ASTN2: variants seen among roughly 807,000 people sequenced by gnomAD.
ASTN2 encodes astrotactin 2.
Under a neutral mutation model 139.8 loss-of-function variants are expected in ASTN2, and 54 were observed. The observed-to-expected ratio is 0.39, with a 90% CI of 0.31 to 0.48. The LOEUF is 0.48. Ranked by LOEUF, ASTN2 falls within the 20% of genes least tolerant of loss-of-function variation. The pLI is 0.95. For missense variants in ASTN2, 1,565 were observed against 1,725.1 expected (o/e 0.91, Z 1.64); for synonymous variants, 756 against 719.5 (o/e 1.05, Z -0.81).
At chr9:116,663,403 G>A (rs972205784) in intron 16 of ASTN2, among the ~76,000 whole-genome samples, 1 of 152,084 alleles carries the variant, frequency 6.6e-6, no homozygotes, top group African/African-American at 2.4e-5. Flanking sequence ...AGTCAGTTAA[G>A]GGAACCATTA....
At chr9:117,406,907 A>T (rs1831011792) in intron 1 of ASTN2, among the ~76,000 whole-genome samples, 1 of 151,332 alleles carries the variant, frequency 6.6e-6, no homozygotes, top group Admixed American at 6.6e-5. Flanking sequence ...CACAACACAG[A>T]GGGATAAAAG....
intron 19 of ASTN2, among the ~76,000 whole-genome samples, chr9:116,487,804 A>C (rs1294814514): frequency 6.6e-6 from 1 of 151,294 alleles, no homozygotes; most frequent in Admixed American, 6.5e-5. Context: ...TAGCAAGGAT[A>C]TTATGCTTTT....
intron 19 of ASTN2, among the ~76,000 whole-genome samples, chr9:116,532,264 C>T (rs1241975623): frequency 1.3e-5 from 2 of 152,112 alleles, no homozygotes; most frequent in East Asian, 1.9e-4. Flanking sequence ...GATATTAGCC[C>T]TTTGTCAGAT....
chr9:117,067,583 T>C (rs1161570586), intron 5 of ASTN2, among the ~76,000 whole-genome samples: 2 of 145,418 alleles, frequency 1.4e-5, no homozygotes, highest in African/African-American at 2.5e-5. Flanking sequence ...ATTGAATCTG[T>C]AAATTACCTT....
intron 16 of ASTN2, among the ~76,000 whole-genome samples, chr9:116,718,972 G>GTGTGTGTGTGTATATATATATA (rs56991546): frequency 2.6e-4 from 26 of 100,026 alleles, no homozygotes; most frequent in African/African-American, 1.0e-3. Context: ...ACCTGTATCT[G>GTGTGTGTGTGTATATATATATA]TACATATATA....
chr9:116,559,510 T>C lies in ASTN2; in HGVS notation c.3355+58814A>G, dbSNP rs546782362. 2.0e-5 allele frequency among the ~76,000 whole-genome samples: 3 copies of C among 152,346 alleles called. No individual in the cohort carries two copies. In the South Asian group the frequency reaches 6.2e-4, roughly 32 times the overall value. ...TTCTTTACTCTCAACTTAGTGTGTT[T>C]GTGTATGTACATGTCTAACTGCAGA... On this transcript the variant is annotated intron_variant, in intron 19 of 22. Coordinates refer to ENST00000313400, the MANE Select transcript of ASTN2 (RefSeq NM_001365068.1).
intron 5 of ASTN2, among the ~76,000 whole-genome samples, chr9:117,085,589 G>A (rs996122979): frequency 5.1e-4 from 78 of 152,262 alleles, no homozygotes; most frequent in African/African-American, 1.9e-3. Flanking sequence ...GGTGCCCTGG[G>A]ACGGCTGGTC....
chr9:116,819,659 A>G (rs541600819), intron 12 of ASTN2, among the ~76,000 whole-genome samples: 32 of 152,374 alleles, frequency 2.1e-4, no homozygotes, highest in African/African-American at 7.7e-4. Context: ...CTATCTTAGT[A>G]AAGACAGCAT....
chr9:116,934,425 G>A (rs528639015), intron 10 of ASTN2, among the ~76,000 whole-genome samples: 2 of 152,260 alleles, frequency 1.3e-5, no homozygotes, highest in African/African-American at 2.4e-5. Flanking sequence ...AAGTAAGCCC[G>A]GAAGCATAAT....
chr9:116,709,304 G>A (rs1488654240), intron 16 of ASTN2, among the ~76,000 whole-genome samples: 1 of 152,144 alleles, frequency 6.6e-6, no homozygotes, highest in African/African-American at 2.4e-5. Flanking sequence ...CAGACCCTTT[G>A]GATATCTGTG....
chr9:116,788,819 C>A (rs1830449614), intron 13 of ASTN2, among the ~76,000 whole-genome samples: 1 of 152,046 alleles, frequency 6.6e-6, no homozygotes, highest in Non-Finnish European at 1.5e-5. Context: ...TTGAACACAG[C>A]CTTAGATAAT....
chr9:117,158,840 G>A (rs1469029269), intron 3 of ASTN2, among the ~76,000 whole-genome samples: 2 of 151,970 alleles, frequency 1.3e-5, no homozygotes, highest in Non-Finnish European at 2.9e-5. Flanking sequence ...GACCTACCAG[G>A]TAAGTCAAAT....
rs574736535 is a variant in ASTN2, at chr9:116,423,994, C to T, written c.*1857G>A. Among the ~76,000 whole-genome samples, 1 of 152,256 alleles carries T rather than the reference C, an allele frequency of 6.6e-6. No individual in the cohort carries two copies. Among genetic ancestry groups the T allele is most frequent in the East Asian group, 1.9e-4 (1 of 5,188 alleles). On this transcript the variant is annotated 3_prime_UTR_variant, in exon 23 of 23. Coordinates refer to ENST00000313400, the MANE Select transcript of ASTN2 (RefSeq NM_001365068.1). The stretch of plus-strand genomic sequence containing the variant: ...TATCTTTTCCTCTTCTGAAACCCCA[C>T]AGTGCTACACTCTCTTCTCTTAACA...
rs866695848 is a variant in ASTN2 at position 116,699,499 on chromosome 9, G to C, written c.2806+26272C>G. 3.7e-6 allele frequency: 6 copies of C among 1,613,980 alleles called. No homozygotes were observed. The highest frequency in any genetic ancestry group is 2.2e-5 in the South Asian group (2 of 91,070). On this transcript the variant is annotated intron_variant, in intron 16 of 22. Coordinates refer to ENST00000313400, the MANE Select transcript of ASTN2 (RefSeq NM_001365068.1). This position sits in a 1 kb window ranked among gnomAD's most constrained non-coding sequence, Gnocchi z 4.2. ...ATTGCTGGCATGTGTGTGGATGCTC[G>C]TGGTGATCTCATCGTGGCTGACAGT...
intron 19 of ASTN2, among the ~76,000 whole-genome samples, chr9:116,515,311 T>C (rs1034308411): frequency 4.6e-5 from 7 of 152,152 alleles, no homozygotes; most frequent in African/African-American, 1.4e-4. Flanking sequence ...TGTTTGGCAA[T>C]GGTTGGTTTA....
intron 10 of ASTN2, among the ~76,000 whole-genome samples, chr9:116,905,501 A>G (rs757041702): frequency 6.6e-6 from 1 of 152,178 alleles, no homozygotes; most frequent in African/African-American, 2.4e-5. Context: ...GGACACAGGC[A>G]GGAAAGACCA....
chr9:116,844,357 A>T (rs1832360211), intron 11 of ASTN2, among the ~76,000 whole-genome samples: 1 of 152,158 alleles, frequency 6.6e-6, no homozygotes, highest in Non-Finnish European at 1.5e-5. Context: ...GTCCACAGCT[A>T]TTTGGGGACA....
chr9:116,526,936 A>T (rs1021149760), intron 19 of ASTN2, among the ~76,000 whole-genome samples: 1 of 152,216 alleles, frequency 6.6e-6, no homozygotes, highest in African/African-American at 2.4e-5. Flanking sequence ...CCAAGAATAC[A>T]CAACAGAGAA....
At chr9:116,861,159 T>A (rs1378651861) in intron 11 of ASTN2, among the ~76,000 whole-genome samples, 1 of 151,524 alleles carries the variant, frequency 6.6e-6, no homozygotes, top group Non-Finnish European at 1.5e-5. Flanking sequence ...TCTTTCTCTC[T>A]CTTTTAATTT....
Sources: allele counts gnomAD v4.1 joint callset (sites outside exome capture counted in the v4.1 genomes callset), GRCh38; gene constraint gnomAD v4.1.1; non-coding constraint Gnocchi (gnomAD v3.1); transcripts MANE v1.5; gene names NCBI Gene and HGNC (gene_info 2026-07-23, HGNC 2026-07-21).